The following FBXW7 variants were observed in gnomAD, a reference collection of about 807,000 sequenced individuals.
The protein encoded by FBXW7 is F-box/WD repeat-containing protein 7.
In FBXW7, 11 loss-of-function variants were observed where a neutral mutation model predicts 86.3. The ratio of observed to expected loss-of-function variants is 0.13; its 90% CI spans 0.08 to 0.21. The LOEUF is 0.21. Among genes scored for constraint, FBXW7 ranks in the 10% least tolerant of loss-of-function variants. The pLI is 1.00. For synonymous variants in FBXW7, 313 were observed against 297.9 expected (o/e 1.05, Z -0.52); for missense variants, 488 against 847.4 (o/e 0.58, Z 5.27).
At chr4:152,345,591 A>C (rs781458943) in intron 6 of FBXW7, among the ~76,000 whole-genome samples, 1 of 152,044 alleles carries the variant, frequency 6.6e-6, no homozygotes. Flanking sequence ...ATGTCTTGAG[A>C]CACTTTTGTC....
intron 2 of FBXW7, among the ~76,000 whole-genome samples, chr4:152,516,263 CA>C (rs1748484061): frequency 6.6e-6 from 1 of 152,252 alleles, no homozygotes. Flanking sequence ...CCCGGCCGCA[CA>C]GCAGGAGGTG....
intron 6 of FBXW7, among the ~76,000 whole-genome samples, chr4:152,341,726 AAATTTTGTATATATAC>A (rs1419368615): frequency 6.6e-6 from 1 of 152,160 alleles, no homozygotes; most frequent in Non-Finnish European, 1.5e-5. Flanking sequence ...GAGTGGTTTC[AAATTTTGTATATATAC>A]AATTTAGCAG....
At chr4:152,449,591 C>G (rs577028230) in intron 2 of FBXW7, among the ~76,000 whole-genome samples, 2 of 152,100 alleles carry the variant, frequency 1.3e-5, no homozygotes, top group South Asian at 4.1e-4. Flanking sequence ...AGGTACTGAC[C>G]ACAAGTAAAA....
intron 4 of FBXW7, among the ~76,000 whole-genome samples, chr4:152,364,973 T>C (rs911123092): frequency 8.5e-5 from 13 of 152,310 alleles, no homozygotes; most frequent in African/African-American, 2.9e-4. Context: ...AACTAAGTCT[T>C]GTGTCTGTTT....
intron 6 of FBXW7, among the ~76,000 whole-genome samples, chr4:152,344,311 AC>A (rs1383968694): frequency 6.6e-6 from 1 of 152,158 alleles, no homozygotes; most frequent in Non-Finnish European, 1.5e-5. Context: ...CAGACATGGT[AC>A]TCAAAAGATG....
intron 2 of FBXW7, among the ~76,000 whole-genome samples, chr4:152,428,511 A>G (rs1273379117): frequency 1.3e-5 from 2 of 152,228 alleles, no homozygotes; most frequent in Non-Finnish European, 2.9e-5. Flanking sequence ...GGAATTCAGA[A>G]AGAGAGATTC....
chr4:152,351,918 T>G (rs890529473), intron 4 of FBXW7, among the ~76,000 whole-genome samples: 2 of 152,094 alleles, frequency 1.3e-5, no homozygotes, highest in African/African-American at 4.8e-5. Context: ...TTAAAAATAT[T>G]TTATAAAGGA....
At chr4:152,356,982 T>G (rs1732444183) in intron 4 of FBXW7, among the ~76,000 whole-genome samples, 1 of 152,192 alleles carries the variant, frequency 6.6e-6, no homozygotes, top group Non-Finnish European at 1.5e-5. Context: ...CACAAGAGCA[T>G]AGTGTAACGT....
chr4:152,325,831 T>C (rs1009693802), intron 12 of FBXW7, 175 bp downstream of exon 12: 1 of 541,084 alleles, frequency 1.8e-6, no homozygotes, highest in Non-Finnish European at 3.3e-6. Flanking sequence ...AGCATTTAAA[T>C]AATTTTGAAA....
At position 152,505,394 on chromosome 4, in the gene FBXW7, A is replaced by C. The variant is rs548331906; in HGVS notation, c.-120+29547T>G. On this transcript the variant is annotated intron_variant, in intron 2 of 13. Coordinates refer to ENST00000281708, the MANE Select transcript of FBXW7 (RefSeq NM_001349798.2). ...AACCTCAGCTTACTATAACGTTTTTACTTTATGAACGTTTTAATTTTTTGC... is the reference window on the plus strand; with the variant it reads ...AACCTCAGCTTACTATAACGTTTTTCCTTTATGAACGTTTTAATTTTTTGC... 2.6e-5 allele frequency among the ~76,000 whole-genome samples: 4 copies of C among 152,276 alleles called. No individual in the cohort carries two copies. In the South Asian group the frequency reaches 8.3e-4, roughly 32 times the overall value.
At chr4:152,337,007 A>T (rs910371805) in intron 7 of FBXW7, among the ~76,000 whole-genome samples, 1 of 151,994 alleles carries the variant, frequency 6.6e-6, no homozygotes, top group Non-Finnish European at 1.5e-5. Context: ...ACTTATGAAA[A>T]TATAAATCAT....
chr4:152,364,281 T>C (rs941012612), intron 4 of FBXW7, among the ~76,000 whole-genome samples: 3 of 152,150 alleles, frequency 2.0e-5, no homozygotes, highest in African/African-American at 7.2e-5. Flanking sequence ...TCAGGACTTC[T>C]ATGTCTTACT....
intron 2 of FBXW7, among the ~76,000 whole-genome samples, chr4:152,432,799 G>A (rs1740032909): frequency 6.6e-6 from 1 of 152,126 alleles, no homozygotes; most frequent in South Asian, 2.1e-4. Context: ...GAAACAGAGC[G>A]AGACACTGTC....
rs1554003974 is a variant in FBXW7 at position 152,530,101 on chromosome 4, ACG to A, written c.-120+4838_-120+4839del. ...CACACACACACACACACACACACAC[ACG>A]TGTATATATATACGTGTACATATAT... is the stretch of plus-strand genomic sequence containing the variant. On this transcript the variant is annotated intron_variant, in intron 2 of 13. Coordinates refer to ENST00000281708, the MANE Select transcript of FBXW7 (RefSeq NM_001349798.2). 1.1e-4 allele frequency among the ~76,000 whole-genome samples: 16 copies of A among 140,658 alleles called. No individual in the cohort carries two copies. The Admixed American group carries it at 1.2e-3, about 10-fold the overall frequency. The allele number at this position is 140,658 out of a possible 152,430, so 92.3% of individuals were successfully genotyped here.
chr4:152,535,520 T>C lies in FBXW7; in HGVS notation c.-606A>G, dbSNP rs1339014947. On this transcript the variant is annotated 5_prime_UTR_variant, in exon 1 of 14. Transcript: ENST00000281708. The stretch of plus-strand genomic sequence containing the variant: ...GCCGGGGGGTGGTTGCCGAGCTTGG[T>C]TGGGGCCCCGGTTCATACACTCCGG... 10 of 388,446 alleles carry C rather than the reference T, an allele frequency of 2.6e-5. No individual in the cohort carries two copies. Among genetic ancestry groups the C allele is most frequent in the Non-Finnish European group, 4.5e-6 (1 of 220,128 alleles). 24.1% of individuals were successfully genotyped at this position (388,446 alleles called of 1,614,324 possible).
intron 2 of FBXW7, among the ~76,000 whole-genome samples, chr4:152,511,015 T>A (rs544299740): frequency 2.0e-5 from 3 of 151,888 alleles, no homozygotes; most frequent in Admixed American, 6.6e-5. Flanking sequence ...CACAGCTCAC[T>A]GAAGCCTCAA....
intron 4 of FBXW7, among the ~76,000 whole-genome samples, chr4:152,396,734 G>A (rs968696487): frequency 1.3e-5 from 2 of 152,010 alleles, no homozygotes; most frequent in Admixed American, 6.6e-5. Flanking sequence ...TTCAAGCTCA[G>A]CCTTCAATTA....
chr4:152,519,003 A>G (rs1748761496), intron 2 of FBXW7, among the ~76,000 whole-genome samples: 1 of 152,164 alleles, frequency 6.6e-6, no homozygotes, highest in African/African-American at 2.4e-5. Context: ...TAGTTTAAGA[A>G]ATTACATAAG....
chr4:152,376,694 GT>G (rs544213670), intron 4 of FBXW7, among the ~76,000 whole-genome samples: 2 of 150,590 alleles, frequency 1.3e-5, no homozygotes, highest in African/African-American at 2.4e-5. Flanking sequence ...GAGGTGCTGT[GT>G]TTTTTTTTGG....
Sources: gnomAD v4.1 joint callset for allele counts (sites outside exome capture counted in the v4.1 genomes callset) on GRCh38, gnomAD v4.1.1 for gene constraint, MANE v1.5 for transcripts, NCBI Gene and HGNC (gene_info 2026-07-23, HGNC 2026-07-21) for gene names.